DNM3: variants seen among roughly 807,000 people sequenced by gnomAD.
DNM3 encodes the protein dynamin-3.
In DNM3, 47 loss-of-function variants were observed where a neutral mutation model predicts 101.6. The ratio of observed to expected loss-of-function variants is 0.46; its 90% CI spans 0.37 to 0.59. The LOEUF (loss-of-function observed/expected upper bound fraction) is 0.59. Among genes scored for constraint, DNM3 ranks in the 20% least tolerant of loss-of-function variants. The pLI is 0.00. For missense variants in DNM3, 849 were observed against 1,085.7 expected, an observed-to-expected ratio of 0.78 and a Z score of 3.06; for synonymous variants, 385 against 387.9, an observed-to-expected ratio of 0.99 and a Z score of 0.09.
intron 15 of DNM3, among the ~76,000 whole-genome samples, chr1:172,271,875 A>T (rs1229015025): frequency 6.6e-6 from 1 of 152,148 alleles, no homozygotes; most frequent in Non-Finnish European, 1.5e-5. Flanking sequence ...AATGCTTAAA[A>T]ATCACATTCA....
intron 14 of DNM3, among the ~76,000 whole-genome samples, chr1:172,207,550 A>G (rs1159639705): frequency 6.6e-6 from 1 of 152,144 alleles, no homozygotes; most frequent in Non-Finnish European, 1.5e-5. Context: ...TCTGCTTTCA[A>G]GGCAGAGTAA....
intron 20 of DNM3, among the ~76,000 whole-genome samples, chr1:172,404,942 A>G (rs2070770106): frequency 6.6e-6 from 1 of 152,144 alleles, no homozygotes; most frequent in African/African-American, 2.4e-5. Flanking sequence ...TATGCAATAT[A>G]TAACTGGAAG....
intron 17 of DNM3, chr1:172,376,195 A>G (rs962353313): frequency 2.6e-5 from 4 of 152,074 alleles, no homozygotes; most frequent in East Asian, 1.9e-4. Context: ...AAAAACTGCA[A>G]TAGGAAGGAC....
chr1:171,858,957 C>G (rs1179055331), intron 1 of DNM3, among the ~76,000 whole-genome samples: 1 of 152,126 alleles, frequency 6.6e-6, no homozygotes, highest in Non-Finnish European at 1.5e-5. Flanking sequence ...ATACTTTCCC[C>G]ATTTGTAACC....
At chr1:171,883,700 C>T (rs952583709) in intron 1 of DNM3, among the ~76,000 whole-genome samples, 1 of 152,012 alleles carries the variant, frequency 6.6e-6, no homozygotes, top group Non-Finnish European at 1.5e-5. Context: ...TCGAACTCCT[C>T]ACCTTGTGAT....
At chr1:172,229,646 ATGAT>A (rs1180503501) in intron 14 of DNM3, among the ~76,000 whole-genome samples, 1 of 152,186 alleles carries the variant, frequency 6.6e-6, no homozygotes, top group Admixed American at 6.5e-5. Context: ...TTTTGTGAGA[ATGAT>A]TGAGTCCGTG....
chr1:171,986,312 T>C (rs560229675), intron 2 of DNM3, among the ~76,000 whole-genome samples: 3 of 152,346 alleles, frequency 2.0e-5, no homozygotes, highest in African/African-American at 7.2e-5. Flanking sequence ...CCTGCATTAA[T>C]GTTTTTTCTC....
At chr1:172,238,826 GA>G (rs756914661) in intron 14 of DNM3, among the ~76,000 whole-genome samples, 98 of 139,058 alleles carry the variant, frequency 7.0e-4, no homozygotes, top group Middle Eastern at 3.7e-3. Context: ...TTCAGGATAA[GA>G]AAAAAAAAAA....
intron 2 of DNM3, among the ~76,000 whole-genome samples, chr1:171,980,915 C>T (rs1280876557): frequency 6.6e-6 from 1 of 151,822 alleles, no homozygotes; most frequent in Non-Finnish European, 1.5e-5. Context: ...GGATAACAGG[C>T]ACCTGCTATC....
At position 172,124,987 on chromosome 1, in the gene DNM3, C is replaced by T. The variant is rs545895062; in HGVS notation, c.1546-6188C>T. On this transcript the variant is annotated intron_variant, in intron 13 of 20. Coordinates refer to ENST00000627582, the MANE Select transcript of DNM3 (RefSeq NM_015569.5). Reference sequence around the variant, plus strand: ...AACCTGTATCCTGAGGATGCCTGTGCTCGCAAAGGTAGATCTTTCCTAACC... The same window carrying T: ...AACCTGTATCCTGAGGATGCCTGTGTTCGCAAAGGTAGATCTTTCCTAACC... 2.6e-5 allele frequency among the ~76,000 whole-genome samples: 4 copies of T among 152,308 alleles called. No homozygotes were observed. The East Asian group carries it at 5.8e-4, about 22-fold the overall frequency.
At chr1:172,214,588 T>C (rs1284434149) in intron 14 of DNM3, among the ~76,000 whole-genome samples, 1 of 152,074 alleles carries the variant, frequency 6.6e-6, no homozygotes, top group Non-Finnish European at 1.5e-5. Context: ...CATAATTAGA[T>C]ATGTTTGGGA....
intron 14 of DNM3, among the ~76,000 whole-genome samples, chr1:172,226,237 C>A (rs1461022072): frequency 1.3e-5 from 2 of 152,114 alleles, no homozygotes; most frequent in Non-Finnish European, 2.9e-5. Context: ...AGACAGAACA[C>A]AGACAAGTAT....
intron 14 of DNM3, among the ~76,000 whole-genome samples, chr1:172,231,210 C>CA (rs1553201261): frequency 1.3e-5 from 2 of 151,238 alleles, no homozygotes; most frequent in East Asian, 4.0e-4. Context: ...GGAGGCACCC[C>CA]CAGTAGGGGC....
intron 20 of DNM3, among the ~76,000 whole-genome samples, chr1:172,395,965 C>G (rs963273299): frequency 2.0e-5 from 3 of 152,150 alleles, no homozygotes; most frequent in Admixed American, 1.3e-4. Flanking sequence ...AAGTTTAGAT[C>G]CCATGGCAAC....
At chr1:172,221,135 G>T (rs758839578) in intron 14 of DNM3, among the ~76,000 whole-genome samples, 2 of 151,878 alleles carry the variant, frequency 1.3e-5, no homozygotes, top group Non-Finnish European at 2.9e-5. Flanking sequence ...AGTATTCAAA[G>T]AAAAAGAATG....
chr1:172,115,107 T>A (rs2055795904), intron 13 of DNM3, among the ~76,000 whole-genome samples: 1 of 152,232 alleles, frequency 6.6e-6, no homozygotes, highest in Admixed American at 6.5e-5. Context: ...CTTTTCATTG[T>A]CTGGGAGTCT....
intron 14 of DNM3, chr1:172,140,013 C>T (rs1237570048): frequency 6.6e-6 from 1 of 151,852 alleles, no homozygotes; most frequent in Non-Finnish European, 1.5e-5. Context: ...ACCAAAAAAA[C>T]ACAGTATTGT....
At chr1:171,886,501 A>G (rs2036786751) in intron 1 of DNM3, among the ~76,000 whole-genome samples, 1 of 152,192 alleles carries the variant, frequency 6.6e-6, no homozygotes, top group African/African-American at 2.4e-5. Context: ...ACAAATTTTA[A>G]TGATGCTTTT....
chr1:172,266,383 A>G (rs915559532), intron 15 of DNM3, among the ~76,000 whole-genome samples: 2 of 152,172 alleles, frequency 1.3e-5, no homozygotes, highest in Admixed American at 6.5e-5. Flanking sequence ...TTCCATAAAT[A>G]GGGATGGCAG....
Sources: allele counts gnomAD v4.1 joint callset (sites outside exome capture counted in the v4.1 genomes callset), GRCh38; gene constraint gnomAD v4.1.1; transcripts MANE v1.5; gene names NCBI Gene and HGNC (gene_info 2026-07-23, HGNC 2026-07-21).